Variants in PRKCB observed in about 807,000 individuals in gnomAD.
PRKCB encodes the protein protein kinase C beta type.
In PRKCB, 13 loss-of-function variants were observed where a neutral mutation model predicts 81.5. The observed-to-expected ratio is 0.16, with a 90% CI of 0.10 to 0.25. The LOEUF (loss-of-function observed/expected upper bound fraction) is 0.25, where lower values mean the gene tolerates loss of function less well. Among genes scored for constraint, PRKCB ranks in the 10% least tolerant of loss-of-function variants. PRKCB has a pLI of 1.00. For synonymous variants in PRKCB, 335 were observed against 321.4 expected (o/e 1.04, Z -0.45); for missense variants, 509 against 875.7 (o/e 0.58, Z 5.29).
chr16:24,196,396 A>T (rs1440785644), intron 16 of PRKCB, among the ~76,000 whole-genome samples: 1 of 152,186 alleles, frequency 6.6e-6, no homozygotes, highest in Non-Finnish European at 1.5e-5. Context: ...AAAGGACTAT[A>T]ATTTGGCTGC....
At chr16:23,941,070 T>G (rs774672351) in intron 2 of PRKCB, among the ~76,000 whole-genome samples, 2 of 152,128 alleles carry the variant, frequency 1.3e-5, no homozygotes, top group Non-Finnish European at 2.9e-5. Context: ...CTGCCTAGAT[T>G]AGGGGTTGGC....
At chr16:23,882,243 T>A (rs1431215536) in intron 2 of PRKCB, among the ~76,000 whole-genome samples, 1 of 151,224 alleles carries the variant, frequency 6.6e-6, no homozygotes, top group Non-Finnish European at 1.5e-5. Context: ...CCATGCCCGG[T>A]TAATTTTTTT....
intron 9 of PRKCB, among the ~76,000 whole-genome samples, chr16:24,141,947 A>G (rs993412841): frequency 2.0e-5 from 3 of 152,160 alleles, no homozygotes; most frequent in South Asian, 4.1e-4. Flanking sequence ...AGAATCCCCT[A>G]TACACACCCA....
intron 5 of PRKCB, among the ~76,000 whole-genome samples, chr16:24,069,931 A>T (rs1455903403): frequency 6.6e-6 from 1 of 152,126 alleles, no homozygotes; most frequent in African/African-American, 2.4e-5. Flanking sequence ...ATTCATGGCC[A>T]TTCCTTCCTT....
At chr16:23,859,158 A>G (rs2141088784) in intron 2 of PRKCB, among the ~76,000 whole-genome samples, 1 of 152,270 alleles carries the variant, frequency 6.6e-6, no homozygotes, top group Middle Eastern at 3.4e-3. Context: ...AGGAGACATT[A>G]ATTAACTTGC....
rs59682849 is a variant in PRKCB at position 23,912,840 on chromosome 16, T to TTTATTTATTTATTTATTTA, written c.205+75436_205+75437insATTTATTTATTTATTTATT. The stretch of plus-strand genomic sequence containing the variant: ...TATTTATTTATTTATTTATTTATTT[T>TTTATTTATTTATTTATTTA]TTGATATGGAGTCATGCTCTGTTGC... On this transcript the variant is annotated intron_variant, in intron 2 of 16. Transcript: ENST00000643927. 6.4e-3 allele frequency among the ~76,000 whole-genome samples: 950 copies of TTTATTTATTTATTTATTTA among 148,118 alleles called. 12 individuals are homozygous for TTTATTTATTTATTTATTTA. Among genetic ancestry groups the TTTATTTATTTATTTATTTA allele is most frequent in the South Asian group, 0.025 (113 of 4,594 alleles).
At chr16:24,207,089 C>A (rs568288051) in intron 16 of PRKCB, among the ~76,000 whole-genome samples, 2 of 152,246 alleles carry the variant, frequency 1.3e-5, no homozygotes, top group South Asian at 2.1e-4. Context: ...TGGCGTCATG[C>A]CCTGAGAAGT....
intron 2 of PRKCB, among the ~76,000 whole-genome samples, chr16:23,982,316 C>T (rs796899044): frequency 8.3e-6 from 1 of 120,654 alleles, no homozygotes; most frequent in South Asian, 3.0e-4. Context: ...TTTCCCTTCC[C>T]TTTCCCTTCC....
At chr16:23,839,110 G>A (rs1464775005) in intron 2 of PRKCB, among the ~76,000 whole-genome samples, 3 of 152,142 alleles carry the variant, frequency 2.0e-5, no homozygotes, top group Non-Finnish European at 4.4e-5. Flanking sequence ...CTGCTCTGCT[G>A]TTATTGATGG....
rs1962952798 is a variant in PRKCB, at chr16:23,873,896, T to A, written c.205+36490T>A. ...TCAGTCTCATGAAAATTATTATTTT[T>A]AAAATACCCTTTAGCACATTTACCT... On this transcript the variant is annotated intron_variant, in intron 2 of 16. Transcript: ENST00000643927. 2.0e-5 allele frequency among the ~76,000 whole-genome samples: 3 copies of A among 152,314 alleles called. No homozygotes were observed. The South Asian group carries it at 6.2e-4, about 32-fold the overall frequency.
intron 5 of PRKCB, among the ~76,000 whole-genome samples, chr16:24,070,890 C>G (rs182337411): frequency 2.2e-4 from 34 of 152,290 alleles, no homozygotes; most frequent in Middle Eastern, 3.4e-3. Context: ...CTAAAGTATA[C>G]TGTGTCACTG....
At chr16:23,999,872 G>T (rs1007888826) in intron 3 of PRKCB, among the ~76,000 whole-genome samples, 1 of 152,120 alleles carries the variant, frequency 6.6e-6, no homozygotes, top group African/African-American at 2.4e-5. Flanking sequence ...TAGCTGGTTG[G>T]TTGGCTGGTG....
intron 2 of PRKCB, among the ~76,000 whole-genome samples, chr16:23,952,195 G>A (rs1238644817): frequency 6.6e-6 from 1 of 152,174 alleles, no homozygotes. Context: ...GAGTGAGTCA[G>A]GGAGTGAATC....
At chr16:23,927,179 C>T (rs943021375) in intron 2 of PRKCB, among the ~76,000 whole-genome samples, 8 of 38,052 alleles carry the variant, frequency 2.1e-4, no homozygotes, top group African/African-American at 4.8e-4. Context: ...AGGAAGGCTT[C>T]CAGGACTAAA....
At chr16:24,128,987 G>A (rs1231039474) in intron 9 of PRKCB, among the ~76,000 whole-genome samples, 1 of 152,164 alleles carries the variant, frequency 6.6e-6, no homozygotes, top group Non-Finnish European at 1.5e-5. Flanking sequence ...GATGATACAA[G>A]CTTACCTTAT....
At chr16:24,161,029 A>G (rs1261446894) in intron 10 of PRKCB, among the ~76,000 whole-genome samples, 1 of 152,184 alleles carries the variant, frequency 6.6e-6, no homozygotes, top group East Asian at 1.9e-4. Context: ...AAAAAGAGAC[A>G]AATCCAATAT....
intron 5 of PRKCB, among the ~76,000 whole-genome samples, chr16:24,050,728 A>G (rs1965831035): frequency 6.6e-6 from 1 of 152,158 alleles, no homozygotes. Flanking sequence ...CAATTGGCAA[A>G]TGTGTCATGA....
intron 3 of PRKCB, among the ~76,000 whole-genome samples, chr16:24,011,744 C>G (rs1470641030): frequency 6.6e-6 from 1 of 152,132 alleles, no homozygotes; most frequent in Non-Finnish European, 1.5e-5. Context: ...CTTAGCCTCC[C>G]AAAGTGCTGG....
chr16:24,218,501 G>A lies in PRKCB; in HGVS notation c.*3685G>A, dbSNP rs1968268401. 3.0e-6 allele frequency: 3 copies of A among 985,442 alleles called. No individual in the cohort carries two copies. The highest frequency in any genetic ancestry group is 3.6e-6 in the Non-Finnish European group (3 of 829,966). 61.0% of individuals were successfully genotyped at this position (985,442 alleles called of 1,614,324 possible). On this transcript the variant is annotated 3_prime_UTR_variant, in exon 17 of 17. Transcript: ENST00000643927. ...ATACCCACGTGTGCTCCTGAGTTCA[G>A]TGTGCCCACCTCACTCCCACACCCT...
Sources: allele counts gnomAD v4.1 joint callset (sites outside exome capture counted in the v4.1 genomes callset), GRCh38; gene constraint gnomAD v4.1.1; transcripts MANE v1.5; gene names NCBI Gene and HGNC (gene_info 2026-07-23, HGNC 2026-07-21).